Variants in RAPGEF2 observed in about 807,000 individuals in gnomAD.
RAPGEF2 encodes PDZ domain containing guanine nucleotide exchange factor (GEF) 1.
RAPGEF2 carries 54 observed loss-of-function variants against 186.7 expected under a neutral mutation model. The ratio of observed to expected loss-of-function variants is 0.29; its 90% CI spans 0.23 to 0.36. RAPGEF2 has a LOEUF of 0.36. RAPGEF2 is among the 10% of genes least tolerant of loss of function. The pLI is 1.00. For missense variants in RAPGEF2, 1,532 were observed against 2,045.0 expected, an observed-to-expected ratio of 0.75 and a Z score of 4.84; for synonymous variants, 712 against 705.9, an observed-to-expected ratio of 1.01 and a Z score of -0.14.
intron 1 of RAPGEF2, 61 bp downstream of exon 1, chr4:159,104,292 C>G (rs1273390562): frequency 2.3e-6 from 2 of 882,886 alleles, no homozygotes; most frequent in Non-Finnish European, 3.2e-6. Context: ...TGCGTCTTCC[C>G]CTGTCCCCCC....
intron 1 of RAPGEF2, among the ~76,000 whole-genome samples, chr4:159,153,674 T>C (rs192265932): frequency 2.6e-5 from 4 of 152,176 alleles, no homozygotes; most frequent in African/African-American, 9.7e-5. Context: ...CCCAGGTATA[T>C]GTAGTGTCTC....
chr4:159,301,017 A>T (rs1166604778), intron 7 of RAPGEF2, among the ~76,000 whole-genome samples: 1 of 152,114 alleles, frequency 6.6e-6, no homozygotes, highest in Admixed American at 6.5e-5. Context: ...TTCTTTCCTT[A>T]TGGGAACACC....
intron 26 of RAPGEF2, among the ~76,000 whole-genome samples, chr4:159,350,531 A>G (rs1580059385): frequency 6.6e-6 from 1 of 152,206 alleles, no homozygotes; most frequent in East Asian, 1.9e-4. Flanking sequence ...TTTTAAAAAT[A>G]CATTTACTTT....
At position 159,359,462 on chromosome 4, in the gene RAPGEF2, C is replaced by CTGA. The variant is rs1162686182; in HGVS notation, c.*1324_*1326dup. ...ACAGCTGCTATTAACCCTATAATGA[C>CTGA]TGAAATGACCCCTCCACTCTATTTT... On this transcript the variant is annotated 3_prime_UTR_variant, in exon 30 of 30. Transcript: ENST00000691494. 1 of 152,174 alleles carries CTGA rather than the reference C, an allele frequency of 6.6e-6. No homozygotes were observed. Among genetic ancestry groups the CTGA allele is most frequent in the Non-Finnish European group, 1.5e-5 (1 of 68,032 alleles). 9.4% of individuals were successfully genotyped at this position (152,174 alleles called of 1,614,324 possible). A position where few individuals can be genotyped will look rare whatever the true frequency, so the allele number is the denominator to read the frequency against.
At chr4:159,165,375 C>T (rs1454109100) in intron 1 of RAPGEF2, among the ~76,000 whole-genome samples, 2 of 152,088 alleles carry the variant, frequency 1.3e-5, no homozygotes, top group African/African-American at 2.4e-5. Flanking sequence ...AAAGTCAATA[C>T]ATTTTTAACT....
chr4:159,306,936 G>A (rs1022196108), intron 8 of RAPGEF2, among the ~76,000 whole-genome samples: 1 of 346 alleles, frequency 2.9e-3, no homozygotes, highest in Admixed American at 0.019. Flanking sequence ...AGAGCTATGG[G>A]ATTCAAAACT....
intron 7 of RAPGEF2, among the ~76,000 whole-genome samples, chr4:159,261,309 A>C (rs538680968): frequency 6.8e-6 from 1 of 146,928 alleles, no homozygotes; most frequent in Non-Finnish European, 1.5e-5. Context: ...TGATTCGCCC[A>C]CCTTGACCTC....
At chr4:159,211,785 G>C (rs1750554825) in intron 4 of RAPGEF2, among the ~76,000 whole-genome samples, 1 of 152,282 alleles carries the variant, frequency 6.6e-6, no homozygotes, top group Admixed American at 6.5e-5. Flanking sequence ...ACTTCTTTGA[G>C]GTCAAATTGG....
intron 4 of RAPGEF2, among the ~76,000 whole-genome samples, chr4:159,220,598 A>G (rs1751437467): frequency 1.3e-5 from 2 of 152,116 alleles, no homozygotes; most frequent in Non-Finnish European, 2.9e-5. Context: ...TGTGGTCTGG[A>G]CATACTTTTG....
At chr4:159,136,726 T>C (rs546739358) in intron 1 of RAPGEF2, among the ~76,000 whole-genome samples, 1 of 152,354 alleles carries the variant, frequency 6.6e-6, no homozygotes, top group South Asian at 2.1e-4. Context: ...TATATTTTAC[T>C]CTAATAATAG....
chr4:159,239,775 G>A (rs1753736089), intron 5 of RAPGEF2, among the ~76,000 whole-genome samples: 2 of 152,182 alleles, frequency 1.3e-5, no homozygotes, highest in African/African-American at 4.8e-5. Flanking sequence ...CAGCACCCTA[G>A]CTGGGAAGGA....
At position 159,293,153 on chromosome 4, in the gene RAPGEF2, T is replaced by G. The variant is rs28398779; in HGVS notation, c.544-11189T>G. On this transcript the variant is annotated intron_variant, in intron 7 of 29. Transcript: ENST00000691494. ...TGTCTATATATGTATTTTATGAAGA[T>G]GATATAATTAAAATTATTCCTTTGG... Among the ~76,000 whole-genome samples the G allele has an allele frequency of 7.0e-3, 1,065 of 152,286 alleles. 11 individuals carry two copies. The highest frequency in any genetic ancestry group is 0.024 in the African/African-American group (1,009 of 41,552).
At chr4:159,282,431 C>T (rs1322981459) in intron 7 of RAPGEF2, 1 of 209,988 alleles carries the variant, frequency 4.8e-6, no homozygotes, top group African/African-American at 2.4e-5. Context: ...AGTCGAGCTG[C>T]TTAGTAAGAC....
rs370477370 is a variant in RAPGEF2, at chr4:159,240,331, C to CTTTTTTTTTTTTTTT, written c.358-865_358-851dup. Among the ~76,000 whole-genome samples, 83 of 77,598 alleles carry CTTTTTTTTTTTTTTT rather than the reference C, an allele frequency of 1.1e-3. 7 individuals are homozygous for CTTTTTTTTTTTTTTT. Among genetic ancestry groups the CTTTTTTTTTTTTTTT allele is most frequent in the African/African-American group, 4.1e-3 (77 of 18,616 alleles). The allele number at this position is 77,598 out of a possible 152,430, so 50.9% of individuals were successfully genotyped here. A position where few individuals can be genotyped will look rare whatever the true frequency, so the allele number is the denominator to read the frequency against. On this transcript the variant is annotated intron_variant, in intron 5 of 29. Transcript: ENST00000691494. ...CCCTGTTCATTCATCAGCATTTCTACTTTTTTTTTTTTTTTTTTTGGAGAC... is the reference window on the plus strand; with the variant it reads ...CCCTGTTCATTCATCAGCATTTCTACTTTTTTTTTTTTTTTTTTTTTTTTTTTTTTTTTTGGAGAC...
intron 3 of RAPGEF2, among the ~76,000 whole-genome samples, chr4:159,199,286 A>G (rs895976299): frequency 6.6e-6 from 1 of 152,150 alleles, no homozygotes; most frequent in Non-Finnish European, 1.5e-5. Context: ...TGACAATGAT[A>G]TTTTTATATT....
intron 7 of RAPGEF2, among the ~76,000 whole-genome samples, chr4:159,295,137 A>G (rs907030767): frequency 9.2e-5 from 14 of 152,214 alleles, no homozygotes; most frequent in Non-Finnish European, 1.8e-4. Flanking sequence ...AGTAATTATT[A>G]TTAACATTAA....
chr4:159,171,574 G>T (rs1307631855), intron 1 of RAPGEF2, among the ~76,000 whole-genome samples: 2 of 152,080 alleles, frequency 1.3e-5, no homozygotes, highest in Admixed American at 6.6e-5. Flanking sequence ...TACCTGTTCT[G>T]TCCACAACAT....
intron 1 of RAPGEF2, among the ~76,000 whole-genome samples, chr4:159,141,132 G>T (rs576036626): frequency 1.3e-5 from 2 of 152,086 alleles, no homozygotes; most frequent in African/African-American, 4.8e-5. Flanking sequence ...AAATACAAAC[G>T]CTTTGCAACC....
intron 1 of RAPGEF2, among the ~76,000 whole-genome samples, chr4:159,155,813 C>T (rs1744050762): frequency 6.6e-6 from 1 of 151,296 alleles, no homozygotes; most frequent in Non-Finnish European, 1.5e-5. Flanking sequence ...ACACTTATAG[C>T]TATAAAATTT....
Sources: allele counts gnomAD v4.1 joint callset (sites outside exome capture counted in the v4.1 genomes callset), GRCh38; gene constraint gnomAD v4.1.1; transcripts MANE v1.5; gene names NCBI Gene and HGNC (gene_info 2026-07-23, HGNC 2026-07-21).